The following THSD7B variants were observed in gnomAD, a reference collection of about 807,000 sequenced individuals.
THSD7B encodes the protein thrombospondin type-1 domain-containing protein 7B.
Under a neutral mutation model 213.6 loss-of-function variants are expected in THSD7B, and 138 were observed. The ratio of observed to expected loss-of-function variants is 0.65; its 90% confidence interval spans 0.56 to 0.74. The LOEUF (loss-of-function observed/expected upper bound fraction) is 0.74, where lower values mean the gene tolerates loss of function less well. THSD7B is among the 30% of genes least tolerant of loss of function. THSD7B has a pLI of 0.00. For synonymous variants in THSD7B, 742 were observed against 687.0 expected (o/e 1.08, Z -1.25); for missense variants, 1,931 against 1,991.5 (o/e 0.97, Z 0.58).
At position 137,327,446 on chromosome 2, in the gene THSD7B, A is replaced by G. The variant is rs1158590011; in HGVS notation, c.2500+51420A>G. Among the ~76,000 whole-genome samples the G allele has an allele frequency of 2.6e-5, 4 of 152,148 alleles. No individual in the cohort carries two copies. The East Asian group carries it at 5.8e-4, about 22-fold the overall frequency. On this transcript the variant is annotated intron_variant, in intron 12 of 27. Transcript: ENST00000409968. ...ATGATCAATTATTCCAACCTCTGAC[A>G]TCTTTCTCCTTTTCCTTCCATTCTC... is the stretch of plus-strand genomic sequence containing the variant.
chr2:136,941,057 C>T (rs1013452063), intron 2 of THSD7B, among the ~76,000 whole-genome samples: 9 of 152,114 alleles, frequency 5.9e-5, no homozygotes, highest in Middle Eastern at 3.4e-3. Context: ...TCCCTGTGTC[C>T]AAGTGTTCTC....
chr2:137,265,497 A>G (rs1006388654), intron 10 of THSD7B, among the ~76,000 whole-genome samples: 3 of 152,222 alleles, frequency 2.0e-5, no homozygotes, highest in Admixed American at 6.5e-5. Flanking sequence ...TCATGCTGCT[A>G]TAAAGACACA....
chr2:137,405,910 T>G, intron 13 of THSD7B, 103 bp downstream of exon 13: 4 of 991,706 alleles, frequency 4.0e-6, no homozygotes, highest in East Asian at 2.7e-5. Flanking sequence ...ATCAGGTCTC[T>G]TCCTCTCTCT....
At chr2:137,557,190 A>C (rs1025604619) in intron 15 of THSD7B, among the ~76,000 whole-genome samples, 14 of 152,220 alleles carry the variant, frequency 9.2e-5, no homozygotes, top group Non-Finnish European at 1.2e-4. Context: ...CACCAAGCAG[A>C]CCTAATAGAC....
At chr2:137,631,363 T>C (rs1363307944) in intron 20 of THSD7B, among the ~76,000 whole-genome samples, 1 of 152,264 alleles carries the variant, frequency 6.6e-6, no homozygotes, top group East Asian at 1.9e-4. Flanking sequence ...ATTATTTAAC[T>C]GATAACACTC....
chr2:137,043,450 G>C (rs1466717678), intron 2 of THSD7B, among the ~76,000 whole-genome samples: 1 of 152,086 alleles, frequency 6.6e-6, no homozygotes, highest in Non-Finnish European at 1.5e-5. Context: ...GCTCTGCCTG[G>C]TCACCCTAGG....
At chr2:137,659,525 C>A in intron 24 of THSD7B, 139 bp from the exon 25 acceptor site, 1 of 722,990 alleles carries the variant, frequency 1.4e-6, no homozygotes. Context: ...AGGCTTGGAC[C>A]ACAATGTTGG....
intron 1 of THSD7B, among the ~76,000 whole-genome samples, chr2:136,873,405 T>G (rs1259987741): frequency 6.6e-6 from 1 of 152,172 alleles, no homozygotes; most frequent in African/African-American, 2.4e-5. Flanking sequence ...AGGAAGAGGC[T>G]GGTGGTTCAA....
chr2:136,768,047 T>G (rs1478906553), intron 1 of THSD7B, among the ~76,000 whole-genome samples: 1 of 152,194 alleles, frequency 6.6e-6, no homozygotes, highest in Non-Finnish European at 1.5e-5. Context: ...GTTTGAAGAC[T>G]GACATTAACA....
At chr2:136,768,779 T>A (rs1024553181) in intron 1 of THSD7B, among the ~76,000 whole-genome samples, 2 of 152,210 alleles carry the variant, frequency 1.3e-5, no homozygotes, top group Non-Finnish European at 2.9e-5. Context: ...TGCACATAAG[T>A]GCTTCATATT....
At chr2:137,159,818 A>G (rs35326199) in intron 5 of THSD7B, among the ~76,000 whole-genome samples, 1 of 152,124 alleles carries the variant, frequency 6.6e-6, no homozygotes, top group African/African-American at 2.4e-5. Flanking sequence ...GAGGGCTTCA[A>G]TCTGGATTTT....
At chr2:137,292,033 C>T (rs2104834266) in intron 12 of THSD7B, among the ~76,000 whole-genome samples, 1 of 152,212 alleles carries the variant, frequency 6.6e-6, no homozygotes, top group South Asian at 2.1e-4. Flanking sequence ...CTGTTACTGG[C>T]ATAGTTCTGG....
At position 136,843,078 on chromosome 2, in the gene THSD7B, G is replaced by A. The variant is rs999831967; in HGVS notation, c.-35-39066G>A. Among the ~76,000 whole-genome samples, 5 of 142,244 alleles carry A rather than the reference G, an allele frequency of 3.5e-5. No homozygotes were observed. The East Asian group carries it at 8.6e-4, about 24-fold the overall frequency. 93.3% of individuals were successfully genotyped at this position (142,244 alleles called of 152,430 possible). A position where few individuals can be genotyped will look rare whatever the true frequency, so the allele number is the denominator to read the frequency against. ...ACCAAAATAACTGTTCACTCGTATC[G>A]AGTGGTTTCATTTTTTTTTTTTTTT... On this transcript the variant is annotated intron_variant, in intron 1 of 27. Coordinates refer to ENST00000409968, the MANE Select transcript of THSD7B (RefSeq NM_001316349.2).
chr2:137,613,621 G>A (rs1022257937), intron 17 of THSD7B, among the ~76,000 whole-genome samples: 1 of 152,132 alleles, frequency 6.6e-6, no homozygotes, highest in Non-Finnish European at 1.5e-5. Flanking sequence ...AAATAAAACT[G>A]GTCCAAAGTT....
At chr2:137,236,397 G>A (rs992188029) in intron 9 of THSD7B, among the ~76,000 whole-genome samples, 1 of 152,142 alleles carries the variant, frequency 6.6e-6, no homozygotes, top group African/African-American at 2.4e-5. Flanking sequence ...ACGAGTAATC[G>A]AACTGATCAT....
chr2:137,528,080 T>C (rs1680312610), intron 15 of THSD7B, among the ~76,000 whole-genome samples: 1 of 152,120 alleles, frequency 6.6e-6, no homozygotes, highest in African/African-American at 2.4e-5. Flanking sequence ...ATTGGATTCT[T>C]GTATTTCTTA....
intron 12 of THSD7B, among the ~76,000 whole-genome samples, chr2:137,391,409 C>G (rs1474437392): frequency 6.6e-6 from 1 of 152,004 alleles, no homozygotes; most frequent in African/African-American, 2.4e-5. Flanking sequence ...AAAGAACAGG[C>G]CAGGTGCAGT....
At chr2:137,307,784 G>A (rs776205266) in intron 12 of THSD7B, among the ~76,000 whole-genome samples, 8 of 152,118 alleles carry the variant, frequency 5.3e-5, no homozygotes, top group Non-Finnish European at 1.0e-4. Flanking sequence ...TCTTCTTAGA[G>A]TAGATTAGCA....
At chr2:137,068,785 A>T (rs1687425159) in intron 3 of THSD7B, among the ~76,000 whole-genome samples, 1 of 152,036 alleles carries the variant, frequency 6.6e-6, no homozygotes, top group South Asian at 2.1e-4. Context: ...CTGTAGGGAC[A>T]AGTGGCATTC....
Sources: allele counts gnomAD v4.1 joint callset (sites outside exome capture counted in the v4.1 genomes callset), GRCh38; gene constraint gnomAD v4.1.1; transcripts MANE v1.5; gene names NCBI Gene and HGNC (gene_info 2026-07-23, HGNC 2026-07-21).